PKN3: variants seen among roughly 807,000 people sequenced by gnomAD.
PKN3 encodes the protein protein kinase N3.
In PKN3, 91 loss-of-function variants were observed where a neutral mutation model predicts 113.1. The observed-to-expected ratio is 0.80, with a 90% CI of 0.68 to 0.96. The LOEUF (loss-of-function observed/expected upper bound fraction) is 0.96. Ranked by LOEUF, PKN3 falls within the 40% of genes least tolerant of loss-of-function variation. The pLI is 0.00. For synonymous variants in PKN3, 467 were observed against 499.0 expected (o/e 0.94, Z 0.85); for missense variants, 1,052 against 1,202.2 (o/e 0.88, Z 1.85).
chr9:128,718,296 C>T, intron 16 of PKN3, 29 bp from the exon 17 acceptor site: 2 of 1,602,882 alleles, frequency 1.2e-6, no homozygotes, highest in Non-Finnish European at 1.7e-6. Flanking sequence ...GTGTCTTGGG[C>T]CTGAGTTCTC....
chr9:128,705,872 C>T lies in PKN3; in HGVS notation c.404C>T (p.Thr135Ile), dbSNP rs781521767. 5 of 1,592,972 alleles carry T rather than the reference C, an allele frequency of 3.1e-6. No homozygotes were observed. The highest frequency in any genetic ancestry group is 1.7e-5 in the Admixed American group (1 of 58,254). Residue 135 changes from threonine to isoleucine, a missense_variant, in exon 3 of 22, where the codon ACC (threonine) becomes ATC (isoleucine). Transcript: ENST00000291906. Reference protein sequence around the residue: ...ENMTHTCASGTPKERKLLAAA... With the variant: ...ENMTHTCASGIPKERKLLAAA... ...ATGACCCACACGTGCGCCAGTGGCACCCCCAAGGTAAGGCCCCACAGTCTG... is the reference window on the plus strand; with the variant it reads ...ATGACCCACACGTGCGCCAGTGGCATCCCCAAGGTAAGGCCCCACAGTCTG...
chr9:128,706,645 G>C (rs1862026065), intron 3 of PKN3, 68 bp from the exon 4 acceptor site: 8 of 1,225,176 alleles, frequency 6.5e-6, no homozygotes, highest in Non-Finnish European at 8.9e-6. Flanking sequence ...CCCGGCTCCA[G>C]TTCCTGGTCT....
rs185421462 is a variant in PKN3, at chr9:128,704,748, G to A, written c.25-555G>A. Among the ~76,000 whole-genome samples the A allele has an allele frequency of 3.9e-5, 6 of 152,080 alleles. No individual in the cohort carries two copies. The East Asian group carries it at 7.7e-4, about 20-fold the overall frequency. On this transcript the variant is annotated intron_variant, in intron 1 of 21. Transcript: ENST00000291906. ...AGCCTGACGAACATGGAGAAACCCC[G>A]TCCCTACTAAAAATACAAAATTAGC...
intron 17 of PKN3, 35 bp from the exon 18 acceptor site, chr9:128,718,514 C>T (rs1048574697): frequency 6.2e-7 from 1 of 1,603,912 alleles, no homozygotes; most frequent in Non-Finnish European, 8.5e-7. Flanking sequence ...GTCTAAGCCC[C>T]ACTCAGTCCC....
rs1462222059 is a variant in PKN3, at chr9:128,720,386, G to A, written c.2458-8G>A. On this transcript the variant is annotated splice_region_variant and splice_polypyrimidine_tract_variant and intron_variant, in intron 21 of 21. Coordinates refer to ENST00000291906, the MANE Select transcript of PKN3 (RefSeq NM_013355.5). This position sits in a 1 kb window ranked among gnomAD's most constrained non-coding sequence, Gnocchi z 5.5. ...CTGCCGTCTCAGGCGCCTCTCCTTT[G>A]CCCTCAGACCACCAACTGGCAAGCC... 4 of 1,612,794 alleles carry A rather than the reference G, an allele frequency of 2.5e-6. No individual in the cohort carries two copies. Among genetic ancestry groups the A allele is most frequent in the Admixed American group, 3.3e-5 (2 of 59,982 alleles).
At chr9:128,718,649 A>T (rs370186462) in intron 18 of PKN3, 24 bp downstream of exon 18, 39 of 1,609,872 alleles carry the variant, frequency 2.4e-5, no homozygotes, top group Non-Finnish European at 3.3e-5. Context: ...ATTGGGATCC[A>T]TATCTCCAGC....
Position 128,713,176 on chromosome 9 carries a change from G to C in PKN3, c.960G>C (p.Gln320His). ...EGWLRTKAKH[Q>H]RGRGELASEV... The stretch of plus-strand genomic sequence containing the variant: ...GGCTTCGGACCAAGGCCAAGCACCA[G>C]CGTGGCCGAGGCGAGCTTGCCAGTG... Residue 320 changes from glutamine to histidine, a missense_variant, in exon 7 of 22, where the codon CAG becomes CAC. Physicochemically the swap from Gln to His is conservative, Grantham distance 24 (BLOSUM62 0). Coordinates refer to ENST00000291906, the MANE Select transcript of PKN3 (RefSeq NM_013355.5). 6.2e-7 allele frequency: 1 copy of C among 1,608,164 alleles called. No individual in the cohort carries two copies. The highest frequency in any genetic ancestry group is 8.5e-7 in the Non-Finnish European group (1 of 1,175,786).
Position 128,705,871 on chromosome 9 carries a change from A to T in PKN3, c.403A>T (p.Thr135Ser). 6.3e-7 allele frequency: 1 copy of T among 1,593,868 alleles called. No homozygotes were observed. Residue 135 changes from threonine to serine, a missense_variant, in exon 3 of 22, where the codon ACC becomes TCC. Around this residue, in one of 2 missense-constraint regions of PKN3, gnomAD observed 719 missense variants for 759.4 expected, o/e 0.95. Transcript: ENST00000291906. Reference protein sequence around the residue: ...ENMTHTCASGTPKERKLLAAA... With the variant: ...ENMTHTCASGSPKERKLLAAA... ...CATGACCCACACGTGCGCCAGTGGC[A>T]CCCCCAAGGTAAGGCCCCACAGTCT...
intron 17 of PKN3, 62 bp downstream of exon 17, chr9:128,718,449 A>C: frequency 6.3e-7 from 1 of 1,580,324 alleles, no homozygotes; most frequent in Non-Finnish European, 8.7e-7. Flanking sequence ...GTGGGTAAGG[A>C]CAGATGCTGC....
At chr9:128,716,715 C>G in intron 15 of PKN3, 32 bp from the exon 16 acceptor site, 47 of 1,583,686 alleles carry the variant, frequency 3.0e-5, no homozygotes, top group Non-Finnish European at 3.9e-5. Context: ...GAAAGTTTTC[C>G]TTCCCTCTAA....
At chr9:128,705,152 G>T in intron 1 of PKN3, 151 bp from the exon 2 acceptor site, 1 of 977,584 alleles carries the variant, frequency 1.0e-6, no homozygotes, top group African/African-American at 1.7e-5. Context: ...TCAGGCCTGA[G>T]CTCTAAGGGG....
At position 128,713,322 on chromosome 9, in the gene PKN3, C is replaced by T; in HGVS notation, c.1027C>T (p.Gln343Ter). 1.9e-6 allele frequency: 3 copies of T among 1,614,130 alleles called. No homozygotes were observed. Among genetic ancestry groups the T allele is most frequent in the Non-Finnish European group, 2.5e-6 (3 of 1,180,022 alleles). Residue 343 changes from glutamine (Q) to a stop codon, truncating the protein, a stop_gained, in exon 8 of 22, where the codon CAG becomes TAG. Coordinates refer to ENST00000291906, the MANE Select transcript of PKN3 (RefSeq NM_013355.5). LOFTEE classifies it high-confidence loss of function. ...AAAGGTGGACAACCGTGTTGTGGGG[C>T]AGACGGGCTGGGGGCAGGTGGCCGA... ...VLKVDNRVVG[Q>*]TGWGQVAEQS...
rs971930796 is a variant in PKN3 at position 128,715,663 on chromosome 9, G to T, written c.1808+203G>T. On this transcript the variant is annotated intron_variant, in intron 15 of 21. Coordinates refer to ENST00000291906, the MANE Select transcript of PKN3 (RefSeq NM_013355.5). This position sits in a 1 kb window ranked among gnomAD's most constrained non-coding sequence, Gnocchi z 4.1. ...TGTCAGTTTGCTCTACTGTAAAATG[G>T]GGGCATTGGTGGCTGTGCACGTTCA... is the stretch of plus-strand genomic sequence containing the variant. 3.3e-5 allele frequency among the ~76,000 whole-genome samples: 5 copies of T among 152,152 alleles called. No individual in the cohort carries two copies. The highest frequency in any genetic ancestry group is 1.2e-4 in the African/African-American group (5 of 41,424).
At chr9:128,703,615 G>A (rs2132277297) in intron 1 of PKN3, 1 of 985,446 alleles carries the variant, frequency 1.0e-6, no homozygotes, top group African/African-American at 1.7e-5. Flanking sequence ...GAGTGGTTGG[G>A]AGGGGGGCAT....
At chr9:128,705,613 G>C in intron 2 of PKN3, 70 bp downstream of exon 2, 7 of 1,542,774 alleles carry the variant, frequency 4.5e-6, no homozygotes, top group Non-Finnish European at 3.5e-6. Context: ...CCTTGGCCCT[G>C]GCCACTGTGG....
chr9:128,703,411 C>G (rs987942903), intron 1 of PKN3: 2 of 985,204 alleles, frequency 2.0e-6, no homozygotes, highest in African/African-American at 1.7e-5. Context: ...ACAGGAGGCA[C>G]GAGGGGAGCG....
intron 6 of PKN3, among the ~76,000 whole-genome samples, chr9:128,709,270 C>T (rs554620005): frequency 1.4e-5 from 2 of 138,048 alleles, no homozygotes; most frequent in East Asian, 2.1e-4. Context: ...TGGGCCACAG[C>T]GAGACTCTGT....
At chr9:128,717,436 A>C (rs1862376695) in intron 16 of PKN3, among the ~76,000 whole-genome samples, 1 of 151,548 alleles carries the variant, frequency 6.6e-6, no homozygotes, top group African/African-American at 2.4e-5. Flanking sequence ...TGAGTCTCAG[A>C]TCTTTATTTG....
At chr9:128,702,965 G>A in intron 1 of PKN3, 26 bp downstream of exon 1, 2 of 1,387,564 alleles carry the variant, frequency 1.4e-6, no homozygotes, top group Non-Finnish European at 1.9e-6. Flanking sequence ...GGGGCGCGCG[G>A]GCCCGGGGGG....
Sources: gnomAD v4.1 joint callset for allele counts (sites outside exome capture counted in the v4.1 genomes callset) on GRCh38, gnomAD v4.1.1 for gene constraint, gnomAD v4.1.1 regional missense constraint, Gnocchi (gnomAD v3.1) non-coding constraint, MANE v1.5 for transcripts, NCBI Gene and HGNC (gene_info 2026-07-23, HGNC 2026-07-21) for gene names.